The following KCNK1 variants were observed in gnomAD, a reference collection of about 807,000 sequenced individuals.
KCNK1 encodes potassium channel subfamily K member 1.
A neutral mutation model predicts 22.2 loss-of-function variants in KCNK1; 10 were observed. That is an observed-to-expected ratio of 0.45 (90% CI 0.28 to 0.76). KCNK1 has a LOEUF of 0.76. Ranked by LOEUF, KCNK1 falls within the 30% of genes least tolerant of loss-of-function variation. The pLI, the probability that KCNK1 is intolerant of heterozygous loss-of-function variation, is 0.14. For missense variants in KCNK1, 378 were observed against 421.0 expected (o/e 0.90, Z 0.89); for synonymous variants, 200 against 186.4 (o/e 1.07, Z -0.60).
At chr1:233,664,245 A>G (rs1025381646) in intron 1 of KCNK1, among the ~76,000 whole-genome samples, 1 of 152,162 alleles carries the variant, frequency 6.6e-6, no homozygotes, top group Non-Finnish European at 1.5e-5. Flanking sequence ...AGCTCCCATT[A>G]GTTCAGGTGG....
At chr1:233,662,009 C>A (rs1658402308) in intron 1 of KCNK1, 1 of 152,208 alleles carries the variant, frequency 6.6e-6, no homozygotes, top group African/African-American at 2.4e-5. Context: ...GATTGGACAG[C>A]ACTGTGTTTG....
At chr1:233,629,817 T>G (rs1657759026) in intron 1 of KCNK1, 1 of 152,156 alleles carries the variant, frequency 6.6e-6, no homozygotes, top group Non-Finnish European at 1.5e-5. Flanking sequence ...TGGACATAAA[T>G]GGAAACTCAT....
intron 1 of KCNK1, among the ~76,000 whole-genome samples, chr1:233,659,142 T>G (rs1658348758): frequency 1.3e-5 from 2 of 152,052 alleles, no homozygotes; most frequent in African/African-American, 4.8e-5. Context: ...GCTGAAAAAG[T>G]ATTTCCTTTA....
intron 1 of KCNK1, chr1:233,650,174 A>T (rs538375126): frequency 2.6e-6 from 1 of 388,982 alleles, no homozygotes; most frequent in East Asian, 7.3e-5. Context: ...TAAGAATGTG[A>T]TCTTGGTGAG....
rs1447325331 is a variant in KCNK1 at position 233,633,829 on chromosome 1, TAGGGGAAAA to T, written c.355+19304_355+19312del. On this transcript the variant is annotated intron_variant, in intron 1 of 2. Coordinates refer to ENST00000366621, the MANE Select transcript of KCNK1 (RefSeq NM_002245.4). ...ATTAAGCCTCGTTAATGGTAGGTGT[TAGGGGAAAA>T]CCCTAACATTAGCCTCTAGCATGAG... Among the ~76,000 whole-genome samples the T allele has an allele frequency of 4.6e-5, 7 of 152,176 alleles. No homozygotes were observed. The South Asian group carries it at 6.2e-4, about 13-fold the overall frequency.
At chr1:233,649,253 C>A (rs1203799353) in intron 1 of KCNK1, among the ~76,000 whole-genome samples, 1 of 152,186 alleles carries the variant, frequency 6.6e-6, no homozygotes, top group Non-Finnish European at 1.5e-5. Context: ...AAAACTCTAA[C>A]TAGAAATCCA....
chr1:233,617,901 G>T (rs776117891), intron 1 of KCNK1, among the ~76,000 whole-genome samples: 8 of 152,090 alleles, frequency 5.3e-5, no homozygotes, highest in African/African-American at 9.7e-5. Flanking sequence ...CTGTGTTCCA[G>T]CCTGGACAAC....
chr1:233,640,738 T>C (rs1350602779), intron 1 of KCNK1, among the ~76,000 whole-genome samples: 1 of 152,090 alleles, frequency 6.6e-6, no homozygotes, highest in African/African-American at 2.4e-5. Flanking sequence ...CAGGGTCTCG[T>C]TGTGTCGCCA....
intron 1 of KCNK1, among the ~76,000 whole-genome samples, chr1:233,654,070 CCT>C (rs1032889142): frequency 2.7e-4 from 41 of 152,108 alleles, no homozygotes; most frequent in African/African-American, 9.4e-4. Flanking sequence ...AAGCCTTAAT[CCT>C]CCTAGAAAAT....
At chr1:233,614,912 T>C (rs1389763959) in intron 1 of KCNK1, among the ~76,000 whole-genome samples, 2 of 152,174 alleles carry the variant, frequency 1.3e-5, no homozygotes, top group African/African-American at 4.8e-5. Flanking sequence ...GGTTTGAATG[T>C]GTAGCAGCAC....
intron 2 of KCNK1, among the ~76,000 whole-genome samples, chr1:233,667,692 T>A (rs924425213): frequency 2.2e-4 from 27 of 122,130 alleles, no homozygotes; most frequent in Admixed American, 4.7e-4. Flanking sequence ...ATCGCGCCAC[T>A]GCACTCCAGC....
At chr1:233,640,104 G>A (rs906125143) in intron 1 of KCNK1, among the ~76,000 whole-genome samples, 1 of 152,228 alleles carries the variant, frequency 6.6e-6, no homozygotes. Flanking sequence ...AATCCCACCA[G>A]GTGTGTGGGA....
At chr1:233,654,365 T>A (rs909451896) in intron 1 of KCNK1, among the ~76,000 whole-genome samples, 4 of 152,052 alleles carry the variant, frequency 2.6e-5, no homozygotes, top group Admixed American at 6.6e-5. Flanking sequence ...AGAAAACAAA[T>A]TTTTTTAAAA....
intron 1 of KCNK1, among the ~76,000 whole-genome samples, chr1:233,619,942 G>A (rs1435174136): frequency 9.0e-6 from 1 of 110,836 alleles, no homozygotes; most frequent in African/African-American, 3.5e-5. Context: ...CGGGGGGGCA[G>A]GGGGGTGAAG....
intron 1 of KCNK1, among the ~76,000 whole-genome samples, chr1:233,654,860 A>G (rs1185992860): frequency 6.6e-6 from 1 of 152,210 alleles, no homozygotes; most frequent in Non-Finnish European, 1.5e-5. Flanking sequence ...CTGTTGCTCA[A>G]GGTGATTCAG....
chr1:233,667,955 A>T (rs75520285), intron 2 of KCNK1, among the ~76,000 whole-genome samples: 1 of 152,192 alleles, frequency 6.6e-6, no homozygotes, highest in Non-Finnish European at 1.5e-5. Flanking sequence ...GTTCGCCTCT[A>T]TTAACTGTTT....
chr1:233,622,314 C>T (rs1452218261), intron 1 of KCNK1, among the ~76,000 whole-genome samples: 7 of 152,218 alleles, frequency 4.6e-5, no homozygotes, highest in African/African-American at 1.7e-4. Context: ...GTTGCACCTG[C>T]TGGCTTTTAT....
intron 1 of KCNK1, among the ~76,000 whole-genome samples, chr1:233,653,553 G>A (rs1192457203): frequency 6.6e-6 from 1 of 152,152 alleles, no homozygotes; most frequent in Non-Finnish European, 1.5e-5. Flanking sequence ...CCTCACCAAG[G>A]TGGGTAGGCG....
intron 1 of KCNK1, among the ~76,000 whole-genome samples, chr1:233,647,587 A>G (rs1162258022): frequency 6.6e-6 from 1 of 152,078 alleles, no homozygotes; most frequent in African/African-American, 2.4e-5. Context: ...GGGCCTCACG[A>G]TGCTCAACAG....
Sources: gnomAD v4.1 joint callset for allele counts (sites outside exome capture counted in the v4.1 genomes callset) on GRCh38, gnomAD v4.1.1 for gene constraint, MANE v1.5 for transcripts, NCBI Gene and HGNC (gene_info 2026-07-23, HGNC 2026-07-21) for gene names.